Variants in PHACTR1 observed in about 807,000 individuals in gnomAD.
PHACTR1 encodes RPEL repeat containing 1.
In PHACTR1, 16 loss-of-function variants were observed where a neutral mutation model predicts 69.2. The ratio of observed to expected loss-of-function variants is 0.23; its 90% CI spans 0.16 to 0.35. The LOEUF is 0.35. Among genes scored for constraint, PHACTR1 ranks in the 10% least tolerant of loss-of-function variants. The pLI is 1.00. For missense variants in PHACTR1, 510 were observed against 734.7 expected (o/e 0.69, Z 3.54); for synonymous variants, 312 against 284.5 (o/e 1.10, Z -0.97).
intron 7 of PHACTR1, among the ~76,000 whole-genome samples, chr6:13,185,700 G>A (rs1046434448): frequency 6.6e-6 from 1 of 152,214 alleles, no homozygotes; most frequent in Non-Finnish European, 1.5e-5. Flanking sequence ...GGTATAATCA[G>A]AGATTAAAAT....
intron 4 of PHACTR1, among the ~76,000 whole-genome samples, chr6:12,772,583 A>AT (rs2127629356): frequency 1.3e-5 from 2 of 152,160 alleles, no homozygotes; most frequent in East Asian, 3.9e-4. Context: ...GTTAAGTAAC[A>AT]TTTTCTCTCC....
intron 7 of PHACTR1, among the ~76,000 whole-genome samples, chr6:13,198,286 A>T (rs942427714): frequency 6.6e-6 from 1 of 152,220 alleles, no homozygotes; most frequent in African/African-American, 2.4e-5. Context: ...AATTGACTCA[A>T]TAGGCAATGC....
intron 4 of PHACTR1, 41 bp downstream of exon 4, chr6:12,749,831 C>G: frequency 6.7e-7 from 1 of 1,484,654 alleles, no homozygotes; most frequent in Non-Finnish European, 9.0e-7. Context: ...CCCCGCCCTG[C>G]TCCCTCCCTC....
At chr6:13,192,527 T>G (rs3864311) in intron 7 of PHACTR1, among the ~76,000 whole-genome samples, 43,914 of 152,140 alleles carry the variant, frequency 0.29, 7,309 homozygotes, top group East Asian at 0.7. Flanking sequence ...GGATTTAACT[T>G]TGTAGAAGGA....
chr6:13,040,919 C>T (rs1178602277), intron 4 of PHACTR1, among the ~76,000 whole-genome samples: 1 of 152,112 alleles, frequency 6.6e-6, no homozygotes, highest in Non-Finnish European at 1.5e-5. Flanking sequence ...TGATTAAATG[C>T]ACTTAAACCT....
At chr6:12,729,874 C>CA (rs1438509225) in intron 3 of PHACTR1, among the ~76,000 whole-genome samples, 2 of 152,100 alleles carry the variant, frequency 1.3e-5, no homozygotes, top group African/African-American at 2.4e-5. Flanking sequence ...TATGCGGTGA[C>CA]AAAGTAGGTA....
chr6:12,836,781 C>T (rs1778216817), intron 4 of PHACTR1, among the ~76,000 whole-genome samples: 2 of 152,148 alleles, frequency 1.3e-5, no homozygotes, highest in Admixed American at 1.3e-4. Flanking sequence ...TAGATAACAA[C>T]CTGAACATCA....
intron 10 of PHACTR1, among the ~76,000 whole-genome samples, chr6:13,241,517 C>T (rs1414536251): frequency 6.6e-6 from 1 of 152,158 alleles, no homozygotes; most frequent in Non-Finnish European, 1.5e-5. Context: ...AAATCAAAGA[C>T]TTTGGAGCTG....
intron 6 of PHACTR1, among the ~76,000 whole-genome samples, chr6:13,174,571 T>C (rs542193003): frequency 6.6e-6 from 1 of 152,396 alleles, no homozygotes; most frequent in Non-Finnish European, 1.5e-5. Context: ...TTCATTATTC[T>C]CTTCTACAAG....
At chr6:13,091,763 A>C (rs1467732500) in intron 5 of PHACTR1, among the ~76,000 whole-genome samples, 1 of 152,072 alleles carries the variant, frequency 6.6e-6, no homozygotes, top group African/African-American at 2.4e-5. Context: ...GAAGCGGGCA[A>C]CCTAGATCCC....
At chr6:13,116,753 G>C (rs1817881977) in intron 5 of PHACTR1, among the ~76,000 whole-genome samples, 2 of 152,158 alleles carry the variant, frequency 1.3e-5, no homozygotes, top group African/African-American at 4.8e-5. Flanking sequence ...AACTGCTGGA[G>C]AGAGAATAAT....
chr6:12,819,339 C>T (rs1410974020), intron 4 of PHACTR1, among the ~76,000 whole-genome samples: 1 of 152,182 alleles, frequency 6.6e-6, no homozygotes, highest in Admixed American at 6.5e-5. Context: ...TGGAGTTACT[C>T]AGTTTGCTCT....
At chr6:13,070,218 T>C (rs1465347734) in intron 5 of PHACTR1, among the ~76,000 whole-genome samples, 1 of 152,202 alleles carries the variant, frequency 6.6e-6, no homozygotes, top group African/African-American at 2.4e-5. Context: ...CACTGTCACT[T>C]TAATCTAGAT....
intron 4 of PHACTR1, among the ~76,000 whole-genome samples, chr6:13,024,395 C>T (rs568578034): frequency 2.0e-5 from 3 of 152,290 alleles, no homozygotes; most frequent in South Asian, 2.1e-4. Flanking sequence ...AAACTGTCAC[C>T]GGTCTGATGA....
At chr6:13,011,428 C>T (rs1267962244) in intron 4 of PHACTR1, among the ~76,000 whole-genome samples, 1 of 152,206 alleles carries the variant, frequency 6.6e-6, no homozygotes, top group African/African-American at 2.4e-5. Flanking sequence ...AAATGACTCT[C>T]CCAGGTAAAC....
chr6:13,000,553 G>GGA (rs1449501928), intron 4 of PHACTR1, among the ~76,000 whole-genome samples: 1 of 147,122 alleles, frequency 6.8e-6, no homozygotes, highest in African/African-American at 2.5e-5. Context: ...AAAGAGTAGG[G>GGA]GAGAGAGAGA....
intron 4 of PHACTR1, chr6:12,957,349 G>A: frequency 1.0e-6 from 1 of 985,264 alleles, no homozygotes; most frequent in Non-Finnish European, 1.2e-6. Context: ...AGCTGTACAG[G>A]CTTGCTGAGT....
At chr6:13,189,696 G>A (rs1035152236) in intron 7 of PHACTR1, among the ~76,000 whole-genome samples, 1 of 151,962 alleles carries the variant, frequency 6.6e-6, no homozygotes, top group Admixed American at 6.6e-5. Flanking sequence ...CACCTTGCCC[G>A]GCCTATTCCC....
At chr6:13,110,276 G>T (rs540472040) in intron 5 of PHACTR1, among the ~76,000 whole-genome samples, 1 of 152,196 alleles carries the variant, frequency 6.6e-6, no homozygotes, top group African/African-American at 2.4e-5. Context: ...GCAGTAATTT[G>T]CATGATCCCT....
Sources: gnomAD v4.1 joint callset for allele counts (sites outside exome capture counted in the v4.1 genomes callset) on GRCh38, gnomAD v4.1.1 for gene constraint, MANE v1.5 for transcripts, NCBI Gene and HGNC (gene_info 2026-07-23, HGNC 2026-07-21) for gene names.